Variants in XXYLT1 observed in about 807,000 individuals in gnomAD.
The protein encoded by XXYLT1 is UDP-xylose:alpha-xyloside alpha-1,3-xylosyltransferase.
In XXYLT1, 20 loss-of-function variants were observed where a neutral mutation model predicts 28.9. The ratio of observed to expected loss-of-function variants is 0.69; its 90% CI spans 0.49 to 1.00. XXYLT1 has a LOEUF of 1.00. XXYLT1 is among the 50% of genes least tolerant of loss of function. The probability of loss-of-function intolerance (pLI) is 0.00; values close to 1 mark genes in which losing one functional copy is unlikely to be tolerated. For synonymous variants in XXYLT1, 257 were observed against 253.8 expected (o/e 1.01, Z -0.12); for missense variants, 542 against 560.1 (o/e 0.97, Z 0.33).
At chr3:195,185,141 G>GGAAA (rs1722137701) in intron 2 of XXYLT1, among the ~76,000 whole-genome samples, 1 of 124,038 alleles carries the variant, frequency 8.1e-6, no homozygotes, top group African/African-American at 2.8e-5. Context: ...AAGGAAGGAA[G>GGAAA]GAAGGAAGGA....
At position 195,178,303 on chromosome 3, in the gene XXYLT1, C is replaced by A. The variant is rs140777503; in HGVS notation, c.653-21722G>T. On this transcript the variant is annotated intron_variant, in intron 2 of 3. Coordinates refer to ENST00000310380, the MANE Select transcript of XXYLT1 (RefSeq NM_152531.5). ...CGGAACCCTCGCCCAAACCTAACCG[C>A]TAATCACCATACAATCCCCAGACCA... Among the ~76,000 whole-genome samples, 7 of 152,316 alleles carry A rather than the reference C, an allele frequency of 4.6e-5. No homozygotes were observed. The East Asian group carries it at 1.3e-3, about 29-fold the overall frequency.
At chr3:195,166,966 C>T (rs990505415) in intron 2 of XXYLT1, among the ~76,000 whole-genome samples, 6 of 151,660 alleles carry the variant, frequency 4.0e-5, no homozygotes, top group Middle Eastern at 3.2e-3. Context: ...CGTGAGCCAC[C>T]GCGCCCGGCC....
At chr3:195,252,922 G>A (rs1254873378) in intron 1 of XXYLT1, among the ~76,000 whole-genome samples, 1 of 152,156 alleles carries the variant, frequency 6.6e-6, no homozygotes, top group African/African-American at 2.4e-5. Context: ...CCGCAGGTGG[G>A]TCCCCTATTC....
rs893906713 is a variant in XXYLT1, at chr3:195,176,959, C to T, written c.653-20378G>A. On this transcript the variant is annotated intron_variant, in intron 2 of 3. Coordinates refer to ENST00000310380, the MANE Select transcript of XXYLT1 (RefSeq NM_152531.5). The surrounding 1 kb of genome is among the most constrained non-coding windows in gnomAD (Gnocchi z 4.9). ...CTCCCCGGCCTGCTGCCGCTGCTGA[C>T]GTCCCCCCGCCACAGCAGGTCGGGG... 6.6e-5 allele frequency among the ~76,000 whole-genome samples: 10 copies of T among 150,470 alleles called. No individual in the cohort carries two copies. The highest frequency in any genetic ancestry group is 1.9e-4 in the East Asian group (1 of 5,196).
chr3:195,170,280 T>C (rs1024827682), intron 2 of XXYLT1, among the ~76,000 whole-genome samples: 13 of 152,238 alleles, frequency 8.5e-5, no homozygotes, highest in African/African-American at 3.1e-4. Flanking sequence ...AAAATGGACA[T>C]ATATTGCTTT....
Position 195,173,763 on chromosome 3 carries a change from G to A in XXYLT1, c.653-17182C>T, listed in dbSNP as rs1388758878. Among the ~76,000 whole-genome samples, 3 of 152,170 alleles carry A rather than the reference G, an allele frequency of 2.0e-5. No homozygotes were observed. The highest frequency in any genetic ancestry group is 7.2e-5 in the African/African-American group (3 of 41,428). ...AAGCAGAAGGAGCTTTGCATCTCAGGCCATCCCGCACCGGCTCGCTGTCCA... is the reference window on the plus strand; with the variant it reads ...AAGCAGAAGGAGCTTTGCATCTCAGACCATCCCGCACCGGCTCGCTGTCCA... On this transcript the variant is annotated intron_variant, in intron 2 of 3. Coordinates refer to ENST00000310380, the MANE Select transcript of XXYLT1 (RefSeq NM_152531.5). The surrounding 1 kb of genome is among the most constrained non-coding windows in gnomAD (Gnocchi z 4.3).
intron 3 of XXYLT1, among the ~76,000 whole-genome samples, chr3:195,097,295 C>T (rs886079455): frequency 6.6e-6 from 1 of 151,994 alleles, no homozygotes; most frequent in Non-Finnish European, 1.5e-5. Flanking sequence ...TTACTAAATG[C>T]CAGTCACCTT....
intron 3 of XXYLT1, among the ~76,000 whole-genome samples, chr3:195,106,094 G>C (rs1366616600): frequency 6.6e-6 from 1 of 152,138 alleles, no homozygotes; most frequent in Non-Finnish European, 1.5e-5. Flanking sequence ...TTATCCAAAA[G>C]TGCCCAATTT....
At chr3:195,102,813 C>T (rs1252078571) in intron 3 of XXYLT1, among the ~76,000 whole-genome samples, 2 of 152,202 alleles carry the variant, frequency 1.3e-5, no homozygotes, top group Admixed American at 6.5e-5. Flanking sequence ...ATTTCATTTC[C>T]TTTGGGTCAA....
intron 3 of XXYLT1, among the ~76,000 whole-genome samples, chr3:195,130,081 T>C (rs1428021362): frequency 6.6e-6 from 1 of 152,240 alleles, no homozygotes. Flanking sequence ...ATGTTGAGCA[T>C]CTTTTTGTGT....
chr3:195,139,230 G>A (rs1443495044), intron 3 of XXYLT1, among the ~76,000 whole-genome samples: 2 of 152,188 alleles, frequency 1.3e-5, no homozygotes, highest in Non-Finnish European at 2.9e-5. Context: ...AAAGCTCCCG[G>A]GTAGACAGTC....
chr3:195,117,286 G>A (rs1718097835), intron 3 of XXYLT1, among the ~76,000 whole-genome samples: 1 of 152,100 alleles, frequency 6.6e-6, no homozygotes, highest in African/African-American at 2.4e-5. Context: ...GAAAAAACTA[G>A]AGATAAAATG....
chr3:195,191,282 A>G (rs527435240), intron 2 of XXYLT1, among the ~76,000 whole-genome samples: 26 of 152,284 alleles, frequency 1.7e-4, no homozygotes, highest in African/African-American at 6.3e-4. Flanking sequence ...AAAGAAGACC[A>G]ATCCCTCCTT....
At position 195,129,801 on chromosome 3, in the gene XXYLT1, C is replaced by T. The variant is rs887507336; in HGVS notation, c.785+26648G>A. On this transcript the variant is annotated intron_variant, in intron 3 of 3. Coordinates refer to ENST00000310380, the MANE Select transcript of XXYLT1 (RefSeq NM_152531.5). The surrounding 1 kb of genome is among the most constrained non-coding windows in gnomAD (Gnocchi z 4.4). Reference sequence around the variant, plus strand: ...GTCCATTTGCATGTTAGTGTGTGGGCGCATGTTTTCAGTTCTCTCGGGTCT... The same window carrying T: ...GTCCATTTGCATGTTAGTGTGTGGGTGCATGTTTTCAGTTCTCTCGGGTCT... Among the ~76,000 whole-genome samples, 9 of 151,956 alleles carry T rather than the reference C, an allele frequency of 5.9e-5. No homozygotes were observed. Among genetic ancestry groups the T allele is most frequent in the African/African-American group, 1.9e-4 (8 of 41,350 alleles).
intron 3 of XXYLT1, among the ~76,000 whole-genome samples, chr3:195,087,700 C>G (rs1173083554): frequency 1.3e-5 from 2 of 152,212 alleles, no homozygotes. Context: ...CGAATAGGAA[C>G]AGCTCTGGTG....
intron 3 of XXYLT1, among the ~76,000 whole-genome samples, chr3:195,071,663 C>T (rs1034657791): frequency 1.4e-4 from 19 of 137,310 alleles, no homozygotes; most frequent in Admixed American, 1.4e-4. Flanking sequence ...CAAAAGTCTG[C>T]GGTGATAGGG....
In XXYLT1 at chr3:195,173,064, A is replaced by G. The variant is rs564742499; in HGVS notation, c.653-16483T>C. Among the ~76,000 whole-genome samples, 1 of 152,220 alleles carries G rather than the reference A, an allele frequency of 6.6e-6. No homozygotes were observed. Among genetic ancestry groups the G allele is most frequent in the South Asian group, 2.1e-4 (1 of 4,820 alleles). ...GCTGATCGACACCCCTACTTTCAAG[A>G]CTTGGCACCTCTCCATGCCTCTACC... is the stretch of plus-strand genomic sequence containing the variant. On this transcript the variant is annotated intron_variant, in intron 2 of 3. Coordinates refer to ENST00000310380, the MANE Select transcript of XXYLT1 (RefSeq NM_152531.5). This position sits in a 1 kb window ranked among gnomAD's most constrained non-coding sequence, Gnocchi z 4.3.
chr3:195,262,867 T>G (rs1159262659), intron 1 of XXYLT1, among the ~76,000 whole-genome samples: 1 of 152,250 alleles, frequency 6.6e-6, no homozygotes, highest in African/African-American at 2.4e-5. Flanking sequence ...ATGCCACTGT[T>G]AAATGCATTT....
chr3:195,267,864 G>A (rs573375080), intron 1 of XXYLT1, among the ~76,000 whole-genome samples: 50 of 152,188 alleles, frequency 3.3e-4, no homozygotes, highest in Non-Finnish European at 6.6e-4. Context: ...TTCTTTTCAG[G>A]AATATTCCAA....
Sources: allele counts gnomAD v4.1 joint callset (sites outside exome capture counted in the v4.1 genomes callset), GRCh38; gene constraint gnomAD v4.1.1; non-coding constraint Gnocchi (gnomAD v3.1); transcripts MANE v1.5; gene names NCBI Gene and HGNC (gene_info 2026-07-23, HGNC 2026-07-21).